POLE: variants seen among roughly 807,000 people sequenced by gnomAD.
POLE encodes the protein DNA polymerase epsilon, catalytic subunit.
A neutral mutation model predicts 279.2 loss-of-function variants in POLE; 188 were observed. That is an observed-to-expected ratio of 0.67 (90% CI 0.60 to 0.76). POLE has a LOEUF of 0.76. Among genes scored for constraint, POLE ranks in the 30% least tolerant of loss-of-function variants. POLE has a pLI of 0.00. For synonymous variants in POLE, 1,214 were observed against 1,172.5 expected, an observed-to-expected ratio of 1.04 and a Z score of -0.72; for missense variants, 2,703 against 3,016.7, an observed-to-expected ratio of 0.90 and a Z score of 2.44.
At position 132,642,729 on chromosome 12, in the gene POLE, C is replaced by A; in HGVS notation, c.4729G>T (p.Glu1577Ter). ...AIQRFLLAYK[E>*]ERRGPTLIAV... ...ATGAGTGTGGGCCCCCGGCGCTCCTCCTGGGTCAAGGCAAAATGGAAGAAA... is the reference window on the plus strand; with the variant it reads ...ATGAGTGTGGGCCCCCGGCGCTCCTACTGGGTCAAGGCAAAATGGAAGAAA... The change falls in exon 37 of 49, where the codon GAG becomes TAG. Residue 1577 changes from glutamate (E) to a stop codon, truncating the protein, a stop_gained and splice_region_variant. Transcript: ENST00000320574. LOFTEE classifies it high-confidence loss of function. 6.2e-7 allele frequency: 1 copy of A among 1,613,600 alleles called. No individual in the cohort carries two copies. The highest frequency in any genetic ancestry group is 8.5e-7 in the Non-Finnish European group (1 of 1,179,768).
chr12:132,685,318 G>A lies in POLE; in HGVS notation c.62+1936C>T, dbSNP rs887403047. Among the ~76,000 whole-genome samples, 3 of 148,054 alleles carry A rather than the reference G, an allele frequency of 2.0e-5. No individual in the cohort carries two copies. The East Asian group carries it at 6.1e-4, about 30-fold the overall frequency. ...TCACACTGTCCCAGTACTCCACACAGGCTCTCATTCACAGAGAGCTACCAT... is the reference window on the plus strand; with the variant it reads ...TCACACTGTCCCAGTACTCCACACAAGCTCTCATTCACAGAGAGCTACCAT... On this transcript the variant is annotated intron_variant, in intron 1 of 48. Transcript: ENST00000320574.
chr12:132,640,883 G>A lies in POLE; in HGVS notation c.5378+764C>T. On this transcript the variant is annotated intron_variant, in intron 39 of 48. Transcript: ENST00000320574. ...GCTCCCGGCTCCCAACTGCCTCCCT[G>A]CCTCTTTCCACCAGTCCTCTCCCTG... 8 of 423,192 alleles carry A rather than the reference G, an allele frequency of 1.9e-5. 1 individual carries two copies. The highest frequency in any genetic ancestry group is 1.4e-4 in the South Asian group (8 of 58,930). 26.2% of individuals were successfully genotyped at this position (423,192 alleles called of 1,614,324 possible).
chr12:132,660,917 T>G (rs941683414), intron 25 of POLE, 52 bp downstream of exon 25: 5 of 1,460,664 alleles, frequency 3.4e-6, no homozygotes, highest in Non-Finnish European at 4.6e-6. Context: ...GTCCCCTTCT[T>G]GCTTCATCCT....
chr12:132,665,216 T>C (rs571886027), intron 21 of POLE, 86 bp downstream of exon 21: 23 of 1,364,654 alleles, frequency 1.7e-5, no homozygotes, highest in Non-Finnish European at 2.3e-5. Flanking sequence ...CGGCCCTCCA[T>C]GCACAGCAGC....
chr12:132,686,948 G>A (rs949423224), intron 1 of POLE, among the ~76,000 whole-genome samples: 6 of 143,400 alleles, frequency 4.2e-5, no homozygotes, highest in African/African-American at 1.5e-4. Context: ...CGCCCCCGCC[G>A]CGCGGCAGGT....
intron 16 of POLE, among the ~76,000 whole-genome samples, chr12:132,669,160 C>T (rs545598632): frequency 1.4e-3 from 209 of 152,156 alleles, no homozygotes; most frequent in African/African-American, 4.8e-3. Flanking sequence ...CTAAACTCTC[C>T]TTAGTATTAA....
In POLE at chr12:132,642,337, G is replaced by T. The variant is rs1260912213; in HGVS notation, c.5013C>A (p.Leu1671=). The change falls in exon 38 of 49, where the codon CTC becomes CTA. Residue 1671 remains leucine, a synonymous_variant. Coordinates refer to ENST00000320574, the MANE Select transcript of POLE (RefSeq NM_006231.4). ...PEDISTFGSD[L]FFARHLQRHN... Reference sequence around the variant, plus strand: ...GGCGCTGGAGGTGGCGGGCAAAGAAGAGGTCGGAGCCGAATGTGGAGATGT... The same window carrying T: ...GGCGCTGGAGGTGGCGGGCAAAGAATAGGTCGGAGCCGAATGTGGAGATGT... 16 of 1,594,662 alleles carry T rather than the reference G, an allele frequency of 1.0e-5. No individual in the cohort carries two copies. The highest frequency in any genetic ancestry group is 1.4e-5 in the Non-Finnish European group (16 of 1,170,008).
chr12:132,664,993 C>T lies in POLE; in HGVS notation c.2468+309G>A, dbSNP rs1264308430. On this transcript the variant is annotated intron_variant, in intron 21 of 48. Coordinates refer to ENST00000320574, the MANE Select transcript of POLE (RefSeq NM_006231.4). The surrounding 1 kb of genome is among the most constrained non-coding windows in gnomAD (Gnocchi z 5.3). ...GCAACTGCCCGACACTCTGCAAGTC[C>T]CTGAGTGAGGATCCACGCTGGGAGA... 2.0e-5 allele frequency among the ~76,000 whole-genome samples: 3 copies of T among 152,092 alleles called. No homozygotes were observed. Among genetic ancestry groups the T allele is most frequent in the Admixed American group, 2.0e-4 (3 of 15,268 alleles).
At chr12:132,678,125 C>T (rs1369371129) in intron 6 of POLE, among the ~76,000 whole-genome samples, 2 of 152,162 alleles carry the variant, frequency 1.3e-5, no homozygotes, top group Non-Finnish European at 1.5e-5. Context: ...TTGCAGTGAA[C>T]CCAGATTGCG....
In POLE at chr12:132,634,648, G is replaced by A. The variant is rs976397653; in HGVS notation, c.5812-270C>T. On this transcript the variant is annotated intron_variant, in intron 42 of 48. Coordinates refer to ENST00000320574, the MANE Select transcript of POLE (RefSeq NM_006231.4). This position sits in a 1 kb window ranked among gnomAD's most constrained non-coding sequence, Gnocchi z 4.0. The stretch of plus-strand genomic sequence containing the variant: ...TGCTCTTCCAGAGTTCACTTTAATT[G>A]TTGAACTCCCACCCCCCAAGGACGA... Among the ~76,000 whole-genome samples the A allele has an allele frequency of 7.3e-5, 11 of 149,930 alleles. No homozygotes were observed. Among genetic ancestry groups the A allele is most frequent in the South Asian group, 4.2e-4 (2 of 4,726 alleles).
chr12:132,659,056 T>C (rs1012902941), intron 26 of POLE, among the ~76,000 whole-genome samples: 7 of 152,192 alleles, frequency 4.6e-5, no homozygotes, highest in South Asian at 4.1e-4. Flanking sequence ...TCTGGTATAG[T>C]GTATCTCATT....
rs2043123482 is a variant in POLE at position 132,679,563 on chromosome 12, G to A, written c.512C>T (p.Ser171Phe). ...CTCCCTGTTCTTCTTCACGGCAGGG[G>A]AGATCTCCTTCCTCACTTTGACAAG... ...EDLVKVRKEI[S>F]PAVKKNREQD... The change falls in exon 6 of 49, where the codon TCC becomes TTC. Residue 171 changes from serine (S) to phenylalanine (F), a missense_variant. Physicochemically the swap from Ser to Phe is radical, Grantham distance 155. Coordinates refer to ENST00000320574, the MANE Select transcript of POLE (RefSeq NM_006231.4). 1.2e-6 allele frequency: 2 copies of A among 1,614,050 alleles called. No homozygotes were observed. Among genetic ancestry groups the A allele is most frequent in the East Asian group, 2.2e-5 (1 of 44,874 alleles).
chr12:132,632,627 A>G, intron 44 of POLE, 37 bp downstream of exon 44: 3 of 1,613,690 alleles, frequency 1.9e-6, no homozygotes, highest in Non-Finnish European at 8.5e-7. Context: ...GGTCACTGGC[A>G]CATGGCAGTG....
At chr12:132,659,603 A>G in intron 25 of POLE, 94 bp from the exon 26 acceptor site, 1 of 1,024,086 alleles carries the variant, frequency 9.8e-7, no homozygotes, top group Middle Eastern at 2.1e-4. Flanking sequence ...GCCCTTCTCT[A>G]GCCTGAGACG....
At chr12:132,638,200 C>A (rs182246004) in intron 40 of POLE, 61 bp from the exon 41 acceptor site, 3 of 1,532,632 alleles carry the variant, frequency 2.0e-6, no homozygotes, top group African/African-American at 1.4e-5. Context: ...CCAGAGGGCA[C>A]CCAGAAAATC....
Position 132,664,328 on chromosome 12 carries a change from C to A in POLE, c.2561+42G>T, listed in dbSNP as rs754501550. ...CTTCCTTCCTGCCCATGCTTGCCCCCAGGACCTGCTCCCAGCCCCACGGCT... is the reference window on the plus strand; with the variant it reads ...CTTCCTTCCTGCCCATGCTTGCCCCAAGGACCTGCTCCCAGCCCCACGGCT... On this transcript the variant is annotated intron_variant, in intron 22 of 48. Coordinates refer to ENST00000320574, the MANE Select transcript of POLE (RefSeq NM_006231.4). This position sits in a 1 kb window ranked among gnomAD's most constrained non-coding sequence, Gnocchi z 5.3. The A allele has an allele frequency of 2.6e-5, 41 of 1,581,422 alleles. No homozygotes were observed. Among genetic ancestry groups the A allele is most frequent in the Non-Finnish European group, 3.3e-5 (38 of 1,151,870 alleles).
Position 132,664,005 on chromosome 12 carries a change from T to C in POLE, c.2705A>G (p.Lys902Arg), listed in dbSNP as rs1375855528. ...YPGAMLNIMV[K>R]EGFTNDQYQE... Reference sequence around the variant, plus strand: ...CAGGACCAGAGGCCCCAGACTCACCTTGACCATGATGTTCAACATGGCGCC... The same window carrying C: ...CAGGACCAGAGGCCCCAGACTCACCCTGACCATGATGTTCAACATGGCGCC... Residue 902 changes from lysine (K) to arginine (R), a missense_variant and splice_region_variant, in exon 23 of 49, where the codon AAG (lysine) becomes AGG (arginine). By Grantham distance (26) the Lys-to-Arg change is conservative. Transcript: ENST00000320574. This position sits in a 1 kb window ranked among gnomAD's most constrained non-coding sequence, Gnocchi z 5.3. The C allele has an allele frequency of 1.9e-6, 3 of 1,613,888 alleles. No individual in the cohort carries two copies. The highest frequency in any genetic ancestry group is 2.2e-5 in the East Asian group (1 of 44,888).
rs369104238 is a variant in POLE, at chr12:132,624,673, G to A, written c.*24C>T. ...CATCAGGAGGCCTGGCACGGACGCA[G>A]AGGCACCCGGGGCCCGGGGCTGGCT... On this transcript the variant is annotated 3_prime_UTR_variant, in exon 49 of 49. Transcript: ENST00000320574. 1.7e-5 allele frequency: 24 copies of A among 1,423,206 alleles called. No homozygotes were observed. The African/African-American group carries it at 2.7e-4, about 16-fold the overall frequency. The allele number at this position is 1,423,206 out of a possible 1,614,324, so 88.2% of individuals were successfully genotyped here. A position where few individuals can be genotyped will look rare whatever the true frequency, so the allele number is the denominator to read the frequency against.
intron 1 of POLE, among the ~76,000 whole-genome samples, chr12:132,682,601 G>A (rs1195966948): frequency 1.3e-5 from 2 of 152,076 alleles, no homozygotes; most frequent in Non-Finnish European, 2.9e-5. Flanking sequence ...GAAGTGATAC[G>A]GGAATCTCTG....
Sources: gnomAD v4.1 joint callset for allele counts (sites outside exome capture counted in the v4.1 genomes callset) on GRCh38, gnomAD v4.1.1 for gene constraint, Gnocchi (gnomAD v3.1) non-coding constraint, MANE v1.5 for transcripts, NCBI Gene and HGNC (gene_info 2026-07-23, HGNC 2026-07-21) for gene names.